The following SNED1 variants were observed in gnomAD, a reference collection of about 807,000 sequenced individuals.
The protein encoded by SNED1 is sushi, nidogen and EGF-like domain-containing protein 1.
A neutral mutation model predicts 166.7 loss-of-function variants in SNED1; 81 were observed. The ratio of observed to expected loss-of-function variants is 0.49; its 90% CI spans 0.41 to 0.58. The LOEUF (loss-of-function observed/expected upper bound fraction) is 0.58, where lower values mean the gene tolerates loss of function less well. Among genes scored for constraint, SNED1 ranks in the 20% least tolerant of loss-of-function variants. The probability of loss-of-function intolerance (pLI) is 0.00; values close to 1 mark genes in which losing one functional copy is unlikely to be tolerated. For synonymous variants in SNED1, 762 were observed against 822.0 expected (o/e 0.93, Z 1.25); for missense variants, 1,604 against 2,000.2 (o/e 0.80, Z 3.78).
intron 1 of SNED1, among the ~76,000 whole-genome samples, chr2:241,016,886 C>A (rs1303951408): frequency 2.6e-5 from 3 of 113,668 alleles, no homozygotes; most frequent in East Asian, 2.5e-4. Flanking sequence ...AGGTTTTGCT[C>A]TTGTCGCCCA....
At chr2:241,031,157 C>T (rs1309388188) in intron 2 of SNED1, among the ~76,000 whole-genome samples, 1 of 152,040 alleles carries the variant, frequency 6.6e-6, no homozygotes, top group Non-Finnish European at 1.5e-5. Flanking sequence ...TTTGTTCATG[C>T]ATTTAATAAA....
At chr2:241,001,036 G>A (rs929179120) in intron 1 of SNED1, among the ~76,000 whole-genome samples, 13 of 152,300 alleles carry the variant, frequency 8.5e-5, no homozygotes, top group South Asian at 2.1e-4. Context: ...GGCCTCCCAC[G>A]CCCACCCAGG....
At chr2:241,034,396 G>T (rs2061280572) in intron 3 of SNED1, among the ~76,000 whole-genome samples, 172 bp from the exon 4 acceptor site, 1 of 152,226 alleles carries the variant, frequency 6.6e-6, no homozygotes, top group African/African-American at 2.4e-5. Context: ...GGAGGACTGG[G>T]CTGGGGAGCC....
Position 241,094,453 on chromosome 2 carries a change from T to C in SNED1, c.*2817T>C. 1 of 469,552 alleles carries C rather than the reference T, an allele frequency of 2.1e-6. No individual in the cohort carries two copies. The highest frequency in any genetic ancestry group is 4.4e-6 in the Non-Finnish European group (1 of 226,084). The allele number at this position is 469,552 out of a possible 1,614,324, so 29.1% of individuals were successfully genotyped here. ...GGCTGCTGGAGAAAACAAAAGCACC[T>C]AGATTTCAGTGCTGAATCCCCACAA... is the stretch of plus-strand genomic sequence containing the variant. On this transcript the variant is annotated 3_prime_UTR_variant, in exon 32 of 32. Transcript: ENST00000310397. This position sits in a 1 kb window ranked among gnomAD's most constrained non-coding sequence, Gnocchi z 4.3.
chr2:241,057,485 C>G (rs1307689139), intron 16 of SNED1, among the ~76,000 whole-genome samples: 1 of 149,348 alleles, frequency 6.7e-6, no homozygotes. Context: ...CAGTTCAAGA[C>G]CAGTCTGGGC....
At chr2:241,090,230 C>T in intron 31 of SNED1, 1 of 1,490,514 alleles carries the variant, frequency 6.7e-7, no homozygotes, top group Non-Finnish European at 8.9e-7. Context: ...TACTATTTAA[C>T]TTTTGTTAAA....
At chr2:241,055,664 CACA>C (rs931155246) in intron 16 of SNED1, among the ~76,000 whole-genome samples, 9 of 152,182 alleles carry the variant, frequency 5.9e-5, no homozygotes, top group African/African-American at 2.2e-4. Context: ...CAGGGGCAAG[CACA>C]ATGGATTGAA....
chr2:241,058,324 T>C (rs1259561876), intron 16 of SNED1, among the ~76,000 whole-genome samples: 2 of 152,032 alleles, frequency 1.3e-5, no homozygotes, highest in Admixed American at 1.3e-4. Flanking sequence ...TTAATACCAA[T>C]GTTAGAAAAG....
In SNED1 at chr2:241,071,830, A is replaced by C. The variant is rs1332639237; in HGVS notation, c.3769A>C (p.Ser1257Arg). Reference protein sequence around the residue: ...SELVDGRGRVSARFGGSPSKA... With the variant: ...SELVDGRGRVRARFGGSPSKA... ...GCTTGTGGACGGCAGAGGAAGAGTGAGCGCCAGGTTCGGTGGCTCACCCAG... is the reference window on the plus strand; with the variant it reads ...GCTTGTGGACGGCAGAGGAAGAGTGCGCGCCAGGTTCGGTGGCTCACCCAG... The change falls in exon 26 of 32, where the codon AGC (serine) becomes CGC (arginine). Residue 1257 changes from serine (S) to arginine (R), a missense_variant. Coordinates refer to ENST00000310397, the MANE Select transcript of SNED1 (RefSeq NM_001080437.3). 1 of 1,604,116 alleles carries C rather than the reference A, an allele frequency of 6.2e-7. No homozygotes were observed. Among genetic ancestry groups the C allele is most frequent in the East Asian group, 2.2e-5 (1 of 44,620 alleles).
In SNED1 at chr2:241,072,708, C is replaced by T. The variant is rs1328378875; in HGVS notation, c.3818-558C>T. ...TCTGAGGAGAGGGCAGGCAGCTGCC[C>T]GGGATGCCCAGTGGTGGGCAGGTGA... On this transcript the variant is annotated intron_variant, in intron 26 of 31. Coordinates refer to ENST00000310397, the MANE Select transcript of SNED1 (RefSeq NM_001080437.3). 4 of 190,388 alleles carry T rather than the reference C, an allele frequency of 2.1e-5. No homozygotes were observed. In the South Asian group the frequency reaches 3.0e-4, roughly 14 times the overall value. 11.8% of individuals were successfully genotyped at this position (190,388 alleles called of 1,614,324 possible).
chr2:241,059,623 T>C (rs2062169872), intron 16 of SNED1, among the ~76,000 whole-genome samples: 1 of 151,354 alleles, frequency 6.6e-6, no homozygotes, highest in Admixed American at 6.7e-5. Context: ...CACAGGTTGG[T>C]CTAACTTTTA....
At chr2:241,089,341 A>G (rs2063757924) in intron 31 of SNED1, 2 of 1,550,570 alleles carry the variant, frequency 1.3e-6, no homozygotes, top group African/African-American at 1.4e-5. Context: ...GCCACTTCAA[A>G]ACAGGTCTAT....
At position 241,055,116 on chromosome 2, in the gene SNED1, C is replaced by CA. The variant is rs71827347; in HGVS notation, c.2257+1802dup. Among the ~76,000 whole-genome samples the CA allele has an allele frequency of 5.1e-3, 646 of 125,894 alleles. 4 individuals are homozygous for CA. Among genetic ancestry groups the CA allele is most frequent in the African/African-American group, 1.0e-2 (350 of 35,154 alleles). 82.6% of individuals were successfully genotyped at this position (125,894 alleles called of 152,430 possible). On this transcript the variant is annotated intron_variant, in intron 16 of 31. Coordinates refer to ENST00000310397, the MANE Select transcript of SNED1 (RefSeq NM_001080437.3). ...TGGGTGATAGAGTAAGACTCTGTCT[C>CA]AAAAAAAAAAAAGAAAAAATATTTG...
chr2:241,031,144 C>A (rs2061155321), intron 2 of SNED1, among the ~76,000 whole-genome samples: 1 of 152,124 alleles, frequency 6.6e-6, no homozygotes, highest in Admixed American at 6.6e-5. Context: ...ATTTTCAGAG[C>A]TGTTTGTTCA....
chr2:241,066,271 G>GA (rs1314326092), intron 21 of SNED1, among the ~76,000 whole-genome samples: 1 of 152,182 alleles, frequency 6.6e-6, no homozygotes, highest in Admixed American at 6.5e-5. Context: ...TCGGGGAGCA[G>GA]AAGATGCTGA....
upstream of SNED1, among the ~76,000 whole-genome samples, chr2:240,997,737 G>T (rs964901234): frequency 2.0e-5 from 3 of 152,126 alleles, no homozygotes; most frequent in Non-Finnish European, 4.4e-5. Context: ...AGTGTGGCAC[G>T]CAGCCAACAC....
chr2:241,088,627 G>A, intron 31 of SNED1: 1 of 555,560 alleles, frequency 1.8e-6, no homozygotes, highest in Non-Finnish European at 3.2e-6. Flanking sequence ...ACACCTTCAG[G>A]TGGAAATGAG....
rs745552927 is a variant in SNED1, at chr2:241,027,731, CTG to C, written c.214-2551_214-2550del. On this transcript the variant is annotated intron_variant, in intron 1 of 31. Coordinates refer to ENST00000310397, the MANE Select transcript of SNED1 (RefSeq NM_001080437.3). The stretch of plus-strand genomic sequence containing the variant: ...CTTCACCAACCCTTGTTATTTTCTT[CTG>C]TTTTTTTTTTTTTTTTTTAAGGTGG... Among the ~76,000 whole-genome samples the C allele has an allele frequency of 6.8e-4, 93 of 137,246 alleles. 9 individuals are homozygous for C. The highest frequency in any genetic ancestry group is 3.1e-3 in the Admixed American group (40 of 12,920). The allele number at this position is 137,246 out of a possible 152,430, so 90.0% of individuals were successfully genotyped here. A position where few individuals can be genotyped will look rare whatever the true frequency, so the allele number is the denominator to read the frequency against.
In SNED1 at chr2:241,065,603, TC is replaced by T; in HGVS notation, c.3010+12del. On this transcript the variant is annotated intron_variant, in intron 21 of 31. Transcript: ENST00000310397. ...TGCTGCTGGCCCGCACGCGTGAGTGTCCCCGAGCCTGGCCGTCCCTGCCCAG... is the reference window on the plus strand; with the variant it reads ...TGCTGCTGGCCCGCACGCGTGAGTGTCCCGAGCCTGGCCGTCCCTGCCCAG... The T allele has an allele frequency of 6.2e-7, 1 of 1,608,194 alleles. No individual in the cohort carries two copies. Among genetic ancestry groups the T allele is most frequent in the Non-Finnish European group, 8.5e-7 (1 of 1,178,414 alleles).
Sources: gnomAD v4.1 joint callset for allele counts (sites outside exome capture counted in the v4.1 genomes callset) on GRCh38, gnomAD v4.1.1 for gene constraint, Gnocchi (gnomAD v3.1) non-coding constraint, MANE v1.5 for transcripts, NCBI Gene and HGNC (gene_info 2026-07-23, HGNC 2026-07-21) for gene names.